The following PTK7 variants were observed in gnomAD, a reference collection of about 807,000 sequenced individuals.
PTK7 encodes the protein protein tyrosine kinase 7 (inactive).
In PTK7, 39 loss-of-function variants were observed where a neutral mutation model predicts 116.6. The observed-to-expected ratio is 0.33, with a 90% CI of 0.26 to 0.44. The LOEUF is 0.44. Among genes scored for constraint, PTK7 ranks in the 20% least tolerant of loss-of-function variants. The probability of loss-of-function intolerance (pLI) is 1.00; values close to 1 mark genes in which losing one functional copy is unlikely to be tolerated. For missense variants in PTK7, 1,169 were observed against 1,425.6 expected, an observed-to-expected ratio of 0.82 and a Z score of 2.90; for synonymous variants, 546 against 563.6, an observed-to-expected ratio of 0.97 and a Z score of 0.44.
chr6:43,116,645 T>TGCGC (rs1293349710), intron 1 of PTK7, among the ~76,000 whole-genome samples: 13 of 76,400 alleles, frequency 1.7e-4, no homozygotes, highest in African/African-American at 7.1e-4. Context: ...TGTGTGTGTG[T>TGCGC]GTGTGTGCGC....
rs991030777 is a variant in PTK7, at chr6:43,139,596, C to T, written c.1618+71C>T. On this transcript the variant is annotated intron_variant, in intron 10 of 19. Coordinates refer to ENST00000230419, the MANE Select transcript of PTK7 (RefSeq NM_002821.5). The surrounding 1 kb of genome is among the most constrained non-coding windows in gnomAD (Gnocchi z 4.6). ...TGATCAGATACATACCTGAGGGCTG[C>T]TGGGTGCCCCGCACTGTGCCAGGAA... is the stretch of plus-strand genomic sequence containing the variant. The T allele has an allele frequency of 1.9e-5, 30 of 1,591,946 alleles. No individual in the cohort carries two copies. Among genetic ancestry groups the T allele is most frequent in the Non-Finnish European group, 2.4e-5 (28 of 1,169,514 alleles).
At chr6:43,152,428 C>A (rs1349097529) in intron 17 of PTK7, among the ~76,000 whole-genome samples, 1 of 152,186 alleles carries the variant, frequency 6.6e-6, no homozygotes, top group Non-Finnish European at 1.5e-5. Flanking sequence ...ACTTGGGAGG[C>A]TGAGGCACAA....
intron 17 of PTK7, among the ~76,000 whole-genome samples, chr6:43,157,363 T>TAA (rs1771544111): frequency 1.4e-4 from 5 of 36,044 alleles, no homozygotes; most frequent in African/African-American, 6.5e-4. Context: ...TATATATATA[T>TAA]ATTTTTTTTT....
Position 43,129,267 on chromosome 6 carries a change from G to A in PTK7, c.367+3G>A, listed in dbSNP as rs200512535. On this transcript the variant is annotated splice_donor_region_variant and intron_variant, in intron 2 of 19. Coordinates refer to ENST00000230419, the MANE Select transcript of PTK7 (RefSeq NM_002821.5). The surrounding 1 kb of genome is among the most constrained non-coding windows in gnomAD (Gnocchi z 4.5). ...CAACGCCTCCTTCAACATCAAATGT[G>A]AGAGCCAGGGGGGCTGTGCCCAGTC... The A allele has an allele frequency of 2.2e-4, 358 of 1,613,996 alleles. 1 individual carries two copies. The highest frequency in any genetic ancestry group is 2.2e-3 in the Admixed American group (130 of 60,016).
intron 1 of PTK7, among the ~76,000 whole-genome samples, chr6:43,110,991 G>C (rs907016414): frequency 6.6e-6 from 1 of 152,168 alleles, no homozygotes; most frequent in African/African-American, 2.4e-5. Context: ...CCTAATAACT[G>C]TTTGTGTTCC....
chr6:43,135,533 T>C (rs1276794800), intron 7 of PTK7, among the ~76,000 whole-genome samples: 1 of 152,174 alleles, frequency 6.6e-6, no homozygotes, highest in Non-Finnish European at 1.5e-5. Flanking sequence ...AGTGAGAGTT[T>C]AGGGAAGACT....
chr6:43,125,278 A>G (rs1323203193), intron 1 of PTK7, among the ~76,000 whole-genome samples: 3 of 152,356 alleles, frequency 2.0e-5, no homozygotes, highest in East Asian at 3.9e-4. Context: ...CCTCGGGGCC[A>G]GCTTTGATGT....
chr6:43,148,128 C>T (rs1770829795), intron 17 of PTK7, among the ~76,000 whole-genome samples: 1 of 152,092 alleles, frequency 6.6e-6, no homozygotes, highest in Admixed American at 6.6e-5. Context: ...GGGGGCATGC[C>T]TGTAGTCCCA....
At chr6:43,088,044 T>A (rs1368429871) in intron 1 of PTK7, among the ~76,000 whole-genome samples, 1 of 152,164 alleles carries the variant, frequency 6.6e-6, no homozygotes, top group Non-Finnish European at 1.5e-5. Flanking sequence ...ACACCTGTAA[T>A]CCTAGCACTT....
rs1350352561 is a variant in PTK7 at position 43,129,860 on chromosome 6, G to A, written c.470+31G>A. ...GAGTCAGGGAGGTGGGGATGAAGAG[G>A]GTTATTCCGGACAGGGATGTCTCCC... On this transcript the variant is annotated intron_variant, in intron 3 of 19. Coordinates refer to ENST00000230419, the MANE Select transcript of PTK7 (RefSeq NM_002821.5). This position sits in a 1 kb window ranked among gnomAD's most constrained non-coding sequence, Gnocchi z 4.5. The A allele has an allele frequency of 6.3e-7, 1 of 1,596,208 alleles. No individual in the cohort carries two copies. The highest frequency in any genetic ancestry group is 8.6e-7 in the Non-Finnish European group (1 of 1,164,226).
intron 1 of PTK7, among the ~76,000 whole-genome samples, chr6:43,102,620 ACAAAC>A (rs1003817818): frequency 2.0e-5 from 3 of 152,030 alleles, no homozygotes; most frequent in Non-Finnish European, 4.4e-5. Flanking sequence ...CCAAAAAAAA[ACAAAC>A]CAACCGCAAA....
intron 1 of PTK7, among the ~76,000 whole-genome samples, chr6:43,114,590 G>A (rs952043630): frequency 1.3e-5 from 2 of 152,062 alleles, no homozygotes; most frequent in Admixed American, 1.3e-4. Flanking sequence ...GAAAGATCAA[G>A]GGAGTAGGCA....
intron 1 of PTK7, among the ~76,000 whole-genome samples, chr6:43,096,919 TGGAGGCC>T (rs1767293249): frequency 6.6e-6 from 1 of 152,268 alleles, no homozygotes; most frequent in Non-Finnish European, 1.5e-5. Flanking sequence ...GCTGGGGGCC[TGGAGGCC>T]GCTGCCTTAG....
At chr6:43,109,300 C>G (rs1043061657) in intron 1 of PTK7, among the ~76,000 whole-genome samples, 3 of 152,124 alleles carry the variant, frequency 2.0e-5, no homozygotes, top group African/African-American at 7.2e-5. Context: ...CTGAGCCACT[C>G]AAGTAGCTGG....
At chr6:43,159,503 C>T (rs1771710223) in intron 18 of PTK7, 2 of 471,574 alleles carry the variant, frequency 4.2e-6, no homozygotes, top group African/African-American at 2.0e-5. Context: ...TACATTTTTA[C>T]AACCAATATA....
At chr6:43,118,239 A>G (rs1768676565) in intron 1 of PTK7, among the ~76,000 whole-genome samples, 1 of 151,230 alleles carries the variant, frequency 6.6e-6, no homozygotes, top group Admixed American at 6.6e-5. Flanking sequence ...ATTTTACTTC[A>G]TTTAAATTAA....
intron 17 of PTK7, among the ~76,000 whole-genome samples, chr6:43,152,777 A>ATGTTATGT (rs1268507531): frequency 7.2e-6 from 1 of 138,456 alleles, no homozygotes; most frequent in Admixed American, 7.6e-5. Context: ...ATGTTATGTT[A>ATGTTATGT]TGTTATGTTA....
Position 43,144,524 on chromosome 6 carries a change from C to T in PTK7, c.2325C>T (p.Gly775=). 6.2e-7 allele frequency: 1 copy of T among 1,614,188 alleles called. No homozygotes were observed. The highest frequency in any genetic ancestry group is 8.5e-7 in the Non-Finnish European group (1 of 1,180,024). ...TGGCCTTGACCAGCTTGGGCTCCGG[C>T]CCCGCGGCCACCAACAAACGCCACA... The part of the protein sequence containing the change: ...EEVALTSLGS[G]PAATNKRHST... Residue 775 remains glycine, a synonymous_variant, in exon 15 of 20, where the codon GGC becomes GGT. Transcript: ENST00000230419.
rs183224747 is a variant in PTK7, at chr6:43,135,381, C to T, written c.1228+2694C>T. 2.0e-5 allele frequency among the ~76,000 whole-genome samples: 3 copies of T among 152,314 alleles called. No homozygotes were observed. The East Asian group carries it at 5.8e-4, about 29-fold the overall frequency. ...AACTGTGAACAAAGCAGGCAGAAGC[C>T]CCTCTCCTTGTGGAGTTCATATTCT... is the stretch of plus-strand genomic sequence containing the variant. On this transcript the variant is annotated intron_variant, in intron 7 of 19. Transcript: ENST00000230419.
Sources: gnomAD v4.1 joint callset for allele counts (sites outside exome capture counted in the v4.1 genomes callset) on GRCh38, gnomAD v4.1.1 for gene constraint, Gnocchi (gnomAD v3.1) non-coding constraint, MANE v1.5 for transcripts, NCBI Gene and HGNC (gene_info 2026-07-23, HGNC 2026-07-21) for gene names.